The following HMBOX1 variants were observed in gnomAD, a reference collection of about 807,000 sequenced individuals.
HMBOX1 encodes homeobox containing 1, also known as homeobox-containing protein 1.
HMBOX1 carries 14 observed loss-of-function variants against 54.5 expected under a neutral mutation model. The ratio of observed to expected loss-of-function variants is 0.26; its 90% CI spans 0.17 to 0.40. HMBOX1 has a LOEUF of 0.40. Among genes scored for constraint, HMBOX1 ranks in the 10% least tolerant of loss-of-function variants. The probability of loss-of-function intolerance (pLI) is 1.00; values close to 1 mark genes in which losing one functional copy is unlikely to be tolerated. For synonymous variants in HMBOX1, 160 were observed against 181.0 expected (o/e 0.88, Z 0.93); for missense variants, 332 against 514.4 (o/e 0.65, Z 3.43).
intron 4 of HMBOX1, among the ~76,000 whole-genome samples, chr8:29,001,545 A>G (rs1238015238): frequency 1.6e-5 from 2 of 126,784 alleles, no homozygotes; most frequent in African/African-American, 3.0e-5. Context: ...GCGAGATTCC[A>G]TCTCAAACAA....
chr8:29,050,793 T>C (rs572913456), intron 9 of HMBOX1: 10 of 521,896 alleles, frequency 1.9e-5, no homozygotes, highest in Non-Finnish European at 3.4e-5. Flanking sequence ...ATGAAAAACA[T>C]TTTTTGTGCT....
intron 1 of HMBOX1, among the ~76,000 whole-genome samples, chr8:28,926,594 C>T (rs1374485192): frequency 6.6e-6 from 1 of 152,072 alleles, no homozygotes; most frequent in East Asian, 1.9e-4. Flanking sequence ...CTCTGTCCCC[C>T]AGGCAAGGGT....
rs778899849 is a variant in HMBOX1 at position 28,970,980 on chromosome 8, TGACA to T, written c.500+462_500+465del. Among the ~76,000 whole-genome samples, 49 of 92,442 alleles carry T rather than the reference TGACA, an allele frequency of 5.3e-4. No individual in the cohort carries two copies. The East Asian group carries it at 7.5e-3, about 14-fold the overall frequency. The allele number at this position is 92,442 out of a possible 152,430, so 60.6% of individuals were successfully genotyped here. A position where few individuals can be genotyped will look rare whatever the true frequency, so the allele number is the denominator to read the frequency against. On this transcript the variant is annotated intron_variant, in intron 3 of 9. Transcript: ENST00000287701. This position sits in a 1 kb window ranked among gnomAD's most constrained non-coding sequence, Gnocchi z 4.3. ...TATAGGTTCTAATTTTAGCAATAGA[TGACA>T]CACACACACACACACACACACACAC...
chr8:28,942,220 C>T (rs187687995), intron 1 of HMBOX1, among the ~76,000 whole-genome samples: 25 of 152,184 alleles, frequency 1.6e-4, no homozygotes, highest in African/African-American at 4.8e-4. Context: ...TAGTTCAGCG[C>T]AGTCTCCTTC....
chr8:29,014,270 G>T (rs1834662767), intron 5 of HMBOX1, among the ~76,000 whole-genome samples: 1 of 151,728 alleles, frequency 6.6e-6, no homozygotes, highest in Non-Finnish European at 1.5e-5. Flanking sequence ...TAGATGGGGG[G>T]AAAAAAGATT....
chr8:28,911,597 C>G (rs1815449954), intron 1 of HMBOX1, among the ~76,000 whole-genome samples: 1 of 152,108 alleles, frequency 6.6e-6, no homozygotes, highest in South Asian at 2.1e-4. Flanking sequence ...CTCAAATGAT[C>G]CACCCACCTC....
intron 1 of HMBOX1, among the ~76,000 whole-genome samples, chr8:28,940,461 C>T (rs1468172613): frequency 6.6e-6 from 1 of 152,212 alleles, no homozygotes; most frequent in African/African-American, 2.4e-5. Context: ...CCAAGTGCAA[C>T]TTTGCATTTA....
chr8:28,977,298 CA>C (rs1340958543), intron 3 of HMBOX1, among the ~76,000 whole-genome samples: 2 of 152,168 alleles, frequency 1.3e-5, no homozygotes, highest in African/African-American at 2.4e-5. Context: ...TTTTCCCCCA[CA>C]AAAGTACATT....
At chr8:28,972,151 TATA>T (rs1827538486) in intron 3 of HMBOX1, among the ~76,000 whole-genome samples, 1 of 152,182 alleles carries the variant, frequency 6.6e-6, no homozygotes, top group African/African-American at 2.4e-5. Context: ...ATAAATAAAG[TATA>T]ATATTAATAC....
In HMBOX1 at chr8:28,916,615, A is replaced by G. The variant is rs79815859; in HGVS notation, c.-58+25937A>G. Among the ~76,000 whole-genome samples the G allele has an allele frequency of 6.8e-3, 1,031 of 152,218 alleles. 14 individuals carry two copies. Among genetic ancestry groups the G allele is most frequent in the East Asian group, 0.056 (287 of 5,168 alleles). ...TTACACCTTTGTCAAATATTAATTG[A>G]CCATATTTGTGTGAGTCTGTTTCTG... is the stretch of plus-strand genomic sequence containing the variant. On this transcript the variant is annotated intron_variant, in intron 1 of 9. Coordinates refer to ENST00000287701, the MANE Select transcript of HMBOX1 (RefSeq NM_001135726.3).
intron 1 of HMBOX1, among the ~76,000 whole-genome samples, chr8:28,901,658 C>G (rs1813256344): frequency 6.6e-6 from 1 of 152,186 alleles, no homozygotes; most frequent in Non-Finnish European, 1.5e-5. Flanking sequence ...AACTTTTCAT[C>G]AAGTCATTTA....
At chr8:29,001,346 T>C (rs942698548) in intron 4 of HMBOX1, among the ~76,000 whole-genome samples, 28 of 152,132 alleles carry the variant, frequency 1.8e-4, no homozygotes, top group Admixed American at 1.8e-3. Context: ...GGTCAGGAGT[T>C]CAAGATCAGC....
chr8:29,038,752 C>G (rs909408909), intron 6 of HMBOX1, among the ~76,000 whole-genome samples: 2 of 152,216 alleles, frequency 1.3e-5, no homozygotes, highest in African/African-American at 4.8e-5. Flanking sequence ...GCCTAACTGG[C>G]TTCTGCCTCT....
chr8:28,926,634 C>T (rs557936115), intron 1 of HMBOX1, among the ~76,000 whole-genome samples: 19 of 152,188 alleles, frequency 1.2e-4, no homozygotes, highest in Non-Finnish European at 2.2e-4. Flanking sequence ...AGAGCAGTGG[C>T]GCAGTCATTG....
intron 2 of HMBOX1, among the ~76,000 whole-genome samples, chr8:28,965,932 G>C (rs1366265503): frequency 6.6e-6 from 1 of 152,060 alleles, no homozygotes; most frequent in Non-Finnish European, 1.5e-5. Flanking sequence ...TTAGCATGCA[G>C]TAAATATCAT....
intron 1 of HMBOX1, among the ~76,000 whole-genome samples, chr8:28,962,715 G>A (rs992383952): frequency 3.9e-5 from 6 of 152,084 alleles, no homozygotes; most frequent in African/African-American, 1.4e-4. Context: ...TCAAATAACA[G>A]CCAGATTTCA....
chr8:28,957,870 G>A (rs1167862441), intron 1 of HMBOX1, among the ~76,000 whole-genome samples: 13 of 152,082 alleles, frequency 8.5e-5, no homozygotes, highest in African/African-American at 7.2e-5. Flanking sequence ...TGGTTCGCCC[G>A]CCTCAGCCTG....
rs1343356143 is a variant in HMBOX1 at position 28,980,073 on chromosome 8, G to C, written c.503G>C (p.Arg168Thr). The C allele has an allele frequency of 2.5e-6, 4 of 1,611,108 alleles. No homozygotes were observed. The highest frequency in any genetic ancestry group is 3.4e-6 in the Non-Finnish European group (4 of 1,177,392). ...VDDKVEELMR[R>T]DSSVIKEEIK... ...GTCTTGTCTTCTGTTTTTGTTAGGA[G>C]GGACAGCAGTGTGATAAAAGAGGAA... The change falls in exon 4 of 10, where the codon AGG becomes ACG. Residue 168 changes from arginine to threonine, a missense_variant and splice_region_variant. Transcript: ENST00000287701.
intron 9 of HMBOX1, chr8:29,050,130 A>T (rs1187646517): frequency 2.2e-6 from 1 of 445,230 alleles, no homozygotes; most frequent in Non-Finnish European, 3.0e-6. Flanking sequence ...ACATAGATGG[A>T]TCATTTCCAT....
Sources: gnomAD v4.1 joint callset for allele counts (sites outside exome capture counted in the v4.1 genomes callset) on GRCh38, gnomAD v4.1.1 for gene constraint, Gnocchi (gnomAD v3.1) non-coding constraint, MANE v1.5 for transcripts, NCBI Gene and HGNC (gene_info 2026-07-23, HGNC 2026-07-21) for gene names.